The following CLEC16A variants were observed in gnomAD, a reference collection of about 807,000 sequenced individuals.
CLEC16A encodes C-type lectin domain containing 16A, also known as protein CLEC16A.
Under a neutral mutation model 109.5 loss-of-function variants are expected in CLEC16A, and 51 were observed. The observed-to-expected ratio is 0.47, with a 90% confidence interval of 0.37 to 0.59. The LOEUF (loss-of-function observed/expected upper bound fraction) is 0.59. CLEC16A is among the 20% of genes least tolerant of loss of function. The probability of loss-of-function intolerance (pLI) is 0.00; values close to 1 mark genes in which losing one functional copy is unlikely to be tolerated. For missense variants in CLEC16A, 1,339 were observed against 1,394.0 expected, an observed-to-expected ratio of 0.96 and a Z score of 0.63; for synonymous variants, 673 against 564.2, an observed-to-expected ratio of 1.19 and a Z score of -2.73.
At chr16:11,126,333 G>C (rs1252728552) in intron 22 of CLEC16A, 187 bp downstream of exon 22, 5 of 1,484,856 alleles carry the variant, frequency 3.4e-6, no homozygotes, top group Non-Finnish European at 4.5e-6. Context: ...ATAAATTTTG[G>C]CTTTCCCTTT....
intron 22 of CLEC16A, among the ~76,000 whole-genome samples, chr16:11,154,565 C>T (rs2054430549): frequency 6.6e-6 from 1 of 152,192 alleles, no homozygotes; most frequent in Non-Finnish European, 1.5e-5. Context: ...GTGTTGCGTT[C>T]TTTTCTCCAA....
intron 19 of CLEC16A, among the ~76,000 whole-genome samples, chr16:11,081,046 G>A (rs971701689): frequency 2.0e-5 from 3 of 152,208 alleles, no homozygotes; most frequent in Non-Finnish European, 4.4e-5. Flanking sequence ...GGCTCTGCGG[G>A]ACACGCTGCA....
intron 22 of CLEC16A, among the ~76,000 whole-genome samples, chr16:11,159,125 G>A (rs941907051): frequency 1.1e-4 from 17 of 152,154 alleles, no homozygotes; most frequent in South Asian, 4.1e-4. Flanking sequence ...TGGAGACTGC[G>A]GCCATACTGA....
intron 10 of CLEC16A, among the ~76,000 whole-genome samples, chr16:10,986,017 T>A (rs1310176008): frequency 1.2e-4 from 2 of 17,354 alleles, no homozygotes. Context: ...GCAGAATTTT[T>A]TTTTTTTTTT....
intron 19 of CLEC16A, among the ~76,000 whole-genome samples, chr16:11,115,354 T>G (rs1009588061): frequency 2.6e-5 from 4 of 152,206 alleles, no homozygotes; most frequent in Non-Finnish European, 4.4e-5. Flanking sequence ...AGATTCCCAC[T>G]GAGAAAATGC....
Position 10,961,493 on chromosome 16 carries a change from A to G in CLEC16A, c.210-962A>G, listed in dbSNP as rs903250044. ...GTGTTAGCTTGAGTACAGAGAACAC[A>G]TAACTAGAAACGTCATTCTCTTCCT... On this transcript the variant is annotated intron_variant, in intron 2 of 23. Coordinates refer to ENST00000409790, the MANE Select transcript of CLEC16A (RefSeq NM_015226.3). This position sits in a 1 kb window ranked among gnomAD's most constrained non-coding sequence, Gnocchi z 4.3. 7.2e-5 allele frequency among the ~76,000 whole-genome samples: 11 copies of G among 152,218 alleles called. No homozygotes were observed. Among genetic ancestry groups the G allele is most frequent in the Non-Finnish European group, 2.9e-5 (2 of 68,040 alleles).
At chr16:10,990,882 A>C (rs1453285240) in intron 10 of CLEC16A, among the ~76,000 whole-genome samples, 1 of 152,196 alleles carries the variant, frequency 6.6e-6, no homozygotes, top group Non-Finnish European at 1.5e-5. Flanking sequence ...TGGCATTGTT[A>C]GTTTTCATGA....
At chr16:11,096,366 A>G (rs1395200073) in intron 19 of CLEC16A, among the ~76,000 whole-genome samples, 3 of 152,036 alleles carry the variant, frequency 2.0e-5, no homozygotes, top group Non-Finnish European at 4.4e-5. Context: ...TAAAATAAAA[A>G]CTAAGTAATG....
chr16:10,967,938 C>T (rs1005297610), intron 3 of CLEC16A, among the ~76,000 whole-genome samples: 3 of 152,242 alleles, frequency 2.0e-5, no homozygotes, highest in South Asian at 4.1e-4. Context: ...ATTCTGACTC[C>T]GTGGCGCAGG....
At chr16:11,039,699 TGAG>T in intron 13 of CLEC16A, 52 bp from the exon 14 acceptor site, 1 of 1,549,356 alleles carries the variant, frequency 6.5e-7, no homozygotes, top group Non-Finnish European at 8.7e-7. Flanking sequence ...CCTTTCGGTA[TGAG>T]GAGGTCAGGT....
At chr16:11,103,214 C>G (rs949636563) in intron 19 of CLEC16A, among the ~76,000 whole-genome samples, 3 of 152,240 alleles carry the variant, frequency 2.0e-5, no homozygotes, top group African/African-American at 4.8e-5. Flanking sequence ...GCAGTCCCCC[C>G]AGAGAGGCCC....
intron 11 of CLEC16A, among the ~76,000 whole-genome samples, chr16:11,013,036 TGC>T (rs1368233492): frequency 2.6e-5 from 4 of 152,194 alleles, no homozygotes; most frequent in African/African-American, 9.6e-5. Flanking sequence ...TCACTCAGAC[TGC>T]GCCTGTGTGG....
At chr16:11,028,139 G>A (rs1305352889) in intron 13 of CLEC16A, among the ~76,000 whole-genome samples, 2 of 152,258 alleles carry the variant, frequency 1.3e-5, no homozygotes, top group Non-Finnish European at 2.9e-5. Context: ...GGCGGAAGTT[G>A]CAGTGAGCTG....
intron 19 of CLEC16A, among the ~76,000 whole-genome samples, chr16:11,082,000 C>T (rs112532999): frequency 6.6e-6 from 1 of 152,216 alleles, no homozygotes; most frequent in African/African-American, 2.4e-5. Flanking sequence ...CTACTGCACT[C>T]CAGCCTGGGC....
At chr16:11,001,095 T>C (rs2044642339) in intron 10 of CLEC16A, among the ~76,000 whole-genome samples, 1 of 151,198 alleles carries the variant, frequency 6.6e-6, no homozygotes, top group African/African-American at 2.4e-5. Context: ...TCTATACCCT[T>C]TTTTTTTTAT....
At chr16:11,123,999 C>G in intron 21 of CLEC16A, 53 bp downstream of exon 21, 1 of 1,507,166 alleles carries the variant, frequency 6.6e-7, no homozygotes, top group Non-Finnish European at 9.0e-7. Context: ...TGGGTCAGGG[C>G]TGTTTGTAGT....
chr16:10,982,146 C>T (rs2043357811), intron 9 of CLEC16A, among the ~76,000 whole-genome samples: 2 of 152,236 alleles, frequency 1.3e-5, no homozygotes, highest in African/African-American at 4.8e-5. Flanking sequence ...AAATAGCAGG[C>T]ATGTCTAGGC....
intron 13 of CLEC16A, among the ~76,000 whole-genome samples, chr16:11,036,250 C>T (rs368839732): frequency 6.6e-6 from 1 of 152,080 alleles, no homozygotes; most frequent in African/African-American, 2.4e-5. Flanking sequence ...GATCCTGGCA[C>T]GAAGCCTTGC....
intron 15 of CLEC16A, among the ~76,000 whole-genome samples, 182 bp from the exon 16 acceptor site, chr16:11,043,845 GC>G (rs2047482320): frequency 6.6e-6 from 1 of 151,520 alleles, no homozygotes; most frequent in Non-Finnish European, 1.5e-5. Flanking sequence ...ATGCACTCCA[GC>G]CTGGGTGACA....
Sources: gnomAD v4.1 joint callset for allele counts (sites outside exome capture counted in the v4.1 genomes callset) on GRCh38, gnomAD v4.1.1 for gene constraint, Gnocchi (gnomAD v3.1) non-coding constraint, MANE v1.5 for transcripts, NCBI Gene and HGNC (gene_info 2026-07-23, HGNC 2026-07-21) for gene names.